The following SPECC1L variants were observed in gnomAD, a reference collection of about 807,000 sequenced individuals.
SPECC1L encodes sperm antigen with calponin homology and coiled-coil domains 1 like, also known as cytospin-A.
Under a neutral mutation model 116.8 loss-of-function variants are expected in SPECC1L, and 40 were observed. That is an observed-to-expected ratio of 0.34 (90% CI 0.27 to 0.45). The LOEUF is 0.45. SPECC1L is among the 20% of genes least tolerant of loss of function. The pLI is 1.00. For synonymous variants in SPECC1L, 504 were observed against 500.6 expected (o/e 1.01, Z -0.09); for missense variants, 1,110 against 1,373.6 (o/e 0.81, Z 3.03).
In SPECC1L at chr22:24,338,456, A is replaced by G. The variant is rs761567045; in HGVS notation, c.2631A>G (p.Ala877=). ...CAAGTCCTATGAAAACCCCTCCTGC[A>G]GCAGCTGTGTCCCCTATGCAGGTGA... ...LSPSPMKTPP[A]AAVSPMQRHS... Residue 877 remains alanine, a synonymous_variant, in exon 10 of 17, where the codon GCA becomes GCG. Transcript: ENST00000314328. The G allele has an allele frequency of 5.4e-5, 87 of 1,613,980 alleles. No homozygotes were observed. The highest frequency in any genetic ancestry group is 7.1e-5 in the Non-Finnish European group (84 of 1,180,000).
In SPECC1L at chr22:24,322,475, G is replaced by A. The variant is rs774963550; in HGVS notation, c.1495G>A (p.Ala499Thr). 11 of 1,614,012 alleles carry A rather than the reference G, an allele frequency of 6.8e-6. No individual in the cohort carries two copies. Among genetic ancestry groups the A allele is most frequent in the Middle Eastern group, 1.6e-4 (1 of 6,084 alleles). Residue 499 changes from alanine to threonine, a missense_variant, in exon 5 of 17, where the codon GCT (alanine) becomes ACT (threonine). By Grantham distance (58) the Ala-to-Thr change is moderately conservative. This residue lies in a region of SPECC1L where 575 missense variants were observed against 682.4 expected (regional missense o/e 0.84). Transcript: ENST00000314328. ...ATTAGAGCAACGTTACATGGACCTCGCTGAGAATGCCCGTTTTGAACGGGA... is the reference window on the plus strand; with the variant it reads ...ATTAGAGCAACGTTACATGGACCTCACTGAGAATGCCCGTTTTGAACGGGA... ...MELEQRYMDLAENARFEREQL... is the reference protein window; with the variant it reads ...MELEQRYMDLTENARFEREQL...
chr22:24,412,406 G>C, intron 15 of SPECC1L: 1 of 601,694 alleles, frequency 1.7e-6, no homozygotes, highest in Non-Finnish European at 3.0e-6. Context: ...GGATTCTTCA[G>C]GAGTGAGGAA....
intron 3 of SPECC1L, among the ~76,000 whole-genome samples, chr22:24,302,952 T>G (rs1462796812): frequency 2.0e-5 from 3 of 152,036 alleles, no homozygotes; most frequent in South Asian, 4.1e-4. Flanking sequence ...TGATGATGAT[T>G]ATACCATTTT....
Position 24,411,576 on chromosome 22 carries a change from C to G in SPECC1L, c.3088-12C>G, listed in dbSNP as rs774492448. 3.7e-6 allele frequency: 6 copies of G among 1,611,902 alleles called. No homozygotes were observed. Among genetic ancestry groups the G allele is most frequent in the Non-Finnish European group, 5.1e-6 (6 of 1,178,030 alleles). Reference sequence around the variant, plus strand: ...CATGTGTTGGTTACATGTTTTTCTTCCTTTCCTTCAGAATATTGACATTAC... The same window carrying G: ...CATGTGTTGGTTACATGTTTTTCTTGCTTTCCTTCAGAATATTGACATTAC... On this transcript the variant is annotated splice_polypyrimidine_tract_variant and intron_variant, in intron 14 of 16. Coordinates refer to ENST00000314328, the MANE Select transcript of SPECC1L (RefSeq NM_015330.6).
chr22:24,389,303 G>A (rs1042923766), intron 14 of SPECC1L, among the ~76,000 whole-genome samples: 1 of 151,796 alleles, frequency 6.6e-6, no homozygotes, highest in East Asian at 1.9e-4. Flanking sequence ...TTTTAGTAGG[G>A]ACAGGGTTTC....
intron 5 of SPECC1L, chr22:24,323,168 T>TA: frequency 1.1e-6 from 1 of 938,414 alleles, no homozygotes; most frequent in Non-Finnish European, 1.3e-6. Flanking sequence ...TGGCTGGTAT[T>TA]ACAGCTAAAA....
intron 2 of SPECC1L, among the ~76,000 whole-genome samples, chr22:24,297,634 A>G (rs1201904395): frequency 1.3e-5 from 2 of 152,192 alleles, no homozygotes; most frequent in African/African-American, 4.8e-5. Flanking sequence ...TTTGCTTTCC[A>G]TGCTTTGAGT....
intron 3 of SPECC1L, among the ~76,000 whole-genome samples, chr22:24,309,792 G>A (rs2040425201): frequency 6.6e-6 from 1 of 152,168 alleles, no homozygotes; most frequent in South Asian, 2.1e-4. Flanking sequence ...CTTGGGTTGT[G>A]TTGTTCATTT....
At position 24,313,306 on chromosome 22, in the gene SPECC1L, C is replaced by A. The variant is rs1336885477; in HGVS notation, c.154-7C>A. The A allele has an allele frequency of 1.9e-6, 3 of 1,613,912 alleles. No homozygotes were observed. Among genetic ancestry groups the A allele is most frequent in the Non-Finnish European group, 1.7e-6 (2 of 1,179,978 alleles). On this transcript the variant is annotated splice_polypyrimidine_tract_variant and splice_region_variant and intron_variant, in intron 3 of 16. Transcript: ENST00000314328. ...GTAAATTTGTTTTTATTTTCTGTTG[C>A]TTCTAGACCAAGAGCAGTGATGACC...
intron 14 of SPECC1L, among the ~76,000 whole-genome samples, chr22:24,376,198 G>A (rs768328192): frequency 2.6e-5 from 4 of 152,156 alleles, no homozygotes; most frequent in Non-Finnish European, 4.4e-5. Context: ...TTTATGTCTA[G>A]ATTTTTTTAA....
chr22:24,376,181 G>C (rs915551445), intron 14 of SPECC1L, among the ~76,000 whole-genome samples: 2 of 152,190 alleles, frequency 1.3e-5, no homozygotes, highest in African/African-American at 4.8e-5. Context: ...ATTTGCAGAT[G>C]ATGTGATTTA....
intron 11 of SPECC1L, among the ~76,000 whole-genome samples, chr22:24,351,803 TA>T (rs1321925947): frequency 1.3e-5 from 2 of 152,226 alleles, no homozygotes; most frequent in Non-Finnish European, 2.9e-5. Context: ...TTGTCTTATT[TA>T]CTTAGGGATG....
intron 15 of SPECC1L, chr22:24,412,408 A>C (rs1230883358): frequency 1.7e-6 from 1 of 602,840 alleles, no homozygotes; most frequent in Non-Finnish European, 3.0e-6. Flanking sequence ...ATTCTTCAGG[A>C]GTGAGGAAAG....
intron 2 of SPECC1L, among the ~76,000 whole-genome samples, chr22:24,277,642 TG>T (rs1293192372): frequency 6.6e-6 from 1 of 152,248 alleles, no homozygotes; most frequent in Non-Finnish European, 1.5e-5. Flanking sequence ...TGTGACCTTT[TG>T]TTTGGCTTTT....
At chr22:24,381,848 C>T (rs1168341149) in intron 14 of SPECC1L, among the ~76,000 whole-genome samples, 2 of 152,194 alleles carry the variant, frequency 1.3e-5, no homozygotes, top group African/African-American at 4.8e-5. Context: ...CGCACCACTG[C>T]ACTCCAGTCT....
Position 24,398,402 on chromosome 22 carries a change from A to G in SPECC1L, c.3088-13186A>G, listed in dbSNP as rs62233991. 7.4e-3 allele frequency among the ~76,000 whole-genome samples: 1,130 copies of G among 152,346 alleles called. 6 individuals carry two copies. Among genetic ancestry groups the G allele is most frequent in the South Asian group, 0.013 (61 of 4,832 alleles). On this transcript the variant is annotated intron_variant, in intron 14 of 16. Coordinates refer to ENST00000314328, the MANE Select transcript of SPECC1L (RefSeq NM_015330.6). Reference sequence around the variant, plus strand: ...CTACAGGCAGTACAAAGTGCCACCAACAATCAAAGTGCAGATCCATGGGAC... The same window carrying G: ...CTACAGGCAGTACAAAGTGCCACCAGCAATCAAAGTGCAGATCCATGGGAC...
At chr22:24,381,043 C>T (rs572712701) in intron 14 of SPECC1L, among the ~76,000 whole-genome samples, 7 of 152,024 alleles carry the variant, frequency 4.6e-5, no homozygotes, top group Admixed American at 2.0e-4. Flanking sequence ...TTTTTTTAGC[C>T]GTTGTCTTTA....
chr22:24,338,515 A>G (rs745489127), intron 10 of SPECC1L, 38 bp downstream of exon 10: 2 of 1,575,854 alleles, frequency 1.3e-6, no homozygotes, highest in Admixed American at 3.3e-5. Context: ...TTAGAGCCTC[A>G]GAATCTGAAA....
At chr22:24,349,135 G>C (rs1285490801) in intron 11 of SPECC1L, among the ~76,000 whole-genome samples, 1 of 152,096 alleles carries the variant, frequency 6.6e-6, no homozygotes, top group Non-Finnish European at 1.5e-5. Flanking sequence ...CCGCCTCCTG[G>C]GTTTAAGTGA....
Sources: allele counts gnomAD v4.1 joint callset (sites outside exome capture counted in the v4.1 genomes callset), GRCh38; gene constraint gnomAD v4.1.1; regional missense constraint gnomAD v4.1.1; transcripts MANE v1.5; gene names NCBI Gene and HGNC (gene_info 2026-07-23, HGNC 2026-07-21).